Variants in NAA35 observed in about 807,000 individuals in gnomAD.
The protein encoded by NAA35 is MAK10 homolog, amino-acid N-acetyltransferase subunit.
NAA35 carries 18 observed loss-of-function variants against 101.7 expected under a neutral mutation model. The ratio of observed to expected loss-of-function variants is 0.18; its 90% CI spans 0.12 to 0.26. The LOEUF (loss-of-function observed/expected upper bound fraction) is 0.26, where lower values mean the gene tolerates loss of function less well. Ranked by LOEUF, NAA35 falls within the 10% of genes least tolerant of loss-of-function variation. NAA35 has a pLI of 1.00. For missense variants in NAA35, 601 were observed against 886.8 expected (o/e 0.68, Z 4.09); for synonymous variants, 267 against 273.1 (o/e 0.98, Z 0.22).
chr9:85,956,508 A>G, intron 3 of NAA35, 115 bp downstream of exon 3: 1 of 506,166 alleles, frequency 2.0e-6, no homozygotes, highest in East Asian at 3.8e-5. Flanking sequence ...AAATTGTGAA[A>G]ATAAAACTAA....
In NAA35 at chr9:86,022,242, ATGAT is replaced by A. The variant is rs1161715241; in HGVS notation, c.*286_*289del. On this transcript the variant is annotated 3_prime_UTR_variant, in exon 23 of 23. Coordinates refer to ENST00000361671, the MANE Select transcript of NAA35 (RefSeq NM_024635.4). ...TTTAATCACAAATCATTTTTTATGA[ATGAT>A]TGAGTGAAAATAGTGTTTATAAAGG... 6 of 266,940 alleles carry A rather than the reference ATGAT, an allele frequency of 2.2e-5. No individual in the cohort carries two copies. Among genetic ancestry groups the A allele is most frequent in the Non-Finnish European group, 4.2e-5 (6 of 144,536 alleles). The allele number at this position is 266,940 out of a possible 1,614,324, so 16.5% of individuals were successfully genotyped here. A position where few individuals can be genotyped will look rare whatever the true frequency, so the allele number is the denominator to read the frequency against.
intron 2 of NAA35, among the ~76,000 whole-genome samples, chr9:85,955,248 T>TA (rs1432167512): frequency 6.7e-6 from 1 of 150,344 alleles, no homozygotes; most frequent in East Asian, 2.0e-4. Context: ...TTATTTAACT[T>TA]ACAGTTGGCT....
At chr9:85,970,092 C>G (rs1326130027) in intron 6 of NAA35, among the ~76,000 whole-genome samples, 1 of 152,054 alleles carries the variant, frequency 6.6e-6, no homozygotes, top group East Asian at 1.9e-4. Flanking sequence ...TTTTAAGATG[C>G]TTTTCTTCCC....
At chr9:85,949,601 T>C (rs1488326546) in intron 2 of NAA35, among the ~76,000 whole-genome samples, 1 of 152,090 alleles carries the variant, frequency 6.6e-6, no homozygotes, top group Non-Finnish European at 1.5e-5. Flanking sequence ...CCCCTTTCTT[T>C]CCTATTTTTT....
rs1048515551 is a variant in NAA35, at chr9:85,975,004, C to T, written c.554C>T (p.Ala185Val). 6.2e-7 allele frequency: 1 copy of T among 1,612,682 alleles called. No homozygotes were observed. The highest frequency in any genetic ancestry group is 8.5e-7 in the Non-Finnish European group (1 of 1,179,274). ...TCAATGACTTATGGATTTAAAATGG[C>T]TAACAGTGTGACAGATCTTCGAGTT... ...FQSMTYGFKM[A>V]NSVTDLRVTG... The change falls in exon 7 of 23, where the codon GCT becomes GTT. Residue 185 changes from alanine (A) to valine (V), a missense_variant. Ala to Val is a moderately conservative substitution (Grantham distance 64, BLOSUM62 0). Around this residue, in one of 8 missense-constraint regions of NAA35, gnomAD observed 86 missense variants for 169.4 expected, o/e 0.51. Transcript: ENST00000361671.
intron 11 of NAA35, among the ~76,000 whole-genome samples, chr9:85,988,356 G>A (rs934058816): frequency 2.0e-5 from 3 of 152,152 alleles, no homozygotes; most frequent in Admixed American, 6.5e-5. Context: ...AGCAGAAAGC[G>A]AAAATATTAA....
chr9:85,951,259 C>G (rs762629258), intron 2 of NAA35, among the ~76,000 whole-genome samples: 4 of 151,986 alleles, frequency 2.6e-5, no homozygotes, highest in Non-Finnish European at 5.9e-5. Flanking sequence ...GACATTTTTG[C>G]AAATCACTTC....
chr9:85,991,279 G>T (rs1323338183), intron 11 of NAA35, among the ~76,000 whole-genome samples: 1 of 152,088 alleles, frequency 6.6e-6, no homozygotes, highest in East Asian at 1.9e-4. Flanking sequence ...GCAGAGTAGG[G>T]TGGTGAAACC....
chr9:85,949,906 AG>A (rs1030798288), intron 2 of NAA35, among the ~76,000 whole-genome samples: 1 of 152,048 alleles, frequency 6.6e-6, no homozygotes, highest in Non-Finnish European at 1.5e-5. Flanking sequence ...CAGGATATGC[AG>A]AGTTGAAACA....
At chr9:85,990,596 A>T (rs576501114) in intron 11 of NAA35, among the ~76,000 whole-genome samples, 1 of 152,376 alleles carries the variant, frequency 6.6e-6, no homozygotes, top group African/African-American at 2.4e-5. Flanking sequence ...AAGATAACAA[A>T]GGGAACCATG....
At chr9:86,016,109 T>C (rs1477505316) in intron 17 of NAA35, among the ~76,000 whole-genome samples, 4 of 151,394 alleles carry the variant, frequency 2.6e-5, no homozygotes, top group Non-Finnish European at 5.9e-5. Context: ...GAGAATGTTC[T>C]GTTTTATATT....
intron 11 of NAA35, among the ~76,000 whole-genome samples, chr9:85,991,889 G>C (rs1830927883): frequency 6.6e-6 from 1 of 151,938 alleles, no homozygotes; most frequent in Admixed American, 6.6e-5. Context: ...AAAAGAGGTG[G>C]ATGGGCCGGG....
In NAA35 at chr9:85,999,426, T is replaced by C. The variant is rs144694062; in HGVS notation, c.1056+2849T>C. On this transcript the variant is annotated intron_variant, in intron 12 of 22. Transcript: ENST00000361671. ...GGTAATATGCTTTTAATGTATATAGTTGTTTTACCAGTTGTATTGGTAAGC... is the reference window on the plus strand; with the variant it reads ...GGTAATATGCTTTTAATGTATATAGCTGTTTTACCAGTTGTATTGGTAAGC... 2.6e-5 allele frequency among the ~76,000 whole-genome samples: 4 copies of C among 152,350 alleles called. No homozygotes were observed. In the East Asian group the frequency reaches 7.7e-4, roughly 29 times the overall value.
chr9:86,005,850 A>G (rs1348529593), intron 13 of NAA35, among the ~76,000 whole-genome samples: 2 of 151,948 alleles, frequency 1.3e-5, no homozygotes, highest in Non-Finnish European at 2.9e-5. Flanking sequence ...TCACAGAAAT[A>G]CTATTCACCT....
chr9:85,997,785 C>T (rs1831231880), intron 12 of NAA35, among the ~76,000 whole-genome samples: 1 of 152,176 alleles, frequency 6.6e-6, no homozygotes, highest in South Asian at 2.1e-4. Context: ...TGCTTGGCCT[C>T]ACCTTAGTTT....
chr9:85,977,987 T>A (rs543499391), intron 10 of NAA35, among the ~76,000 whole-genome samples: 3 of 152,010 alleles, frequency 2.0e-5, no homozygotes, highest in African/African-American at 7.2e-5. Context: ...GAAAATTTTT[T>A]CATTTTCTAG....
intron 6 of NAA35, among the ~76,000 whole-genome samples, chr9:85,973,889 T>A (rs1335348518): frequency 1.3e-5 from 2 of 151,994 alleles, no homozygotes; most frequent in Non-Finnish European, 2.9e-5. Context: ...TTTTTTTTTT[T>A]AAGAATCCAG....
intron 2 of NAA35, among the ~76,000 whole-genome samples, chr9:85,948,367 C>T (rs1264999722): frequency 6.6e-6 from 1 of 152,158 alleles, no homozygotes; most frequent in Non-Finnish European, 1.5e-5. Context: ...TCTAAATCTC[C>T]TTAAGACATT....
intron 12 of NAA35, among the ~76,000 whole-genome samples, chr9:86,002,509 G>C (rs1051307846): frequency 6.6e-6 from 1 of 152,014 alleles, no homozygotes; most frequent in African/African-American, 2.4e-5. Flanking sequence ...TTCAAAGTTA[G>C]CTTGTTTCCA....
Sources: gnomAD v4.1 joint callset for allele counts (sites outside exome capture counted in the v4.1 genomes callset) on GRCh38, gnomAD v4.1.1 for gene constraint, gnomAD v4.1.1 regional missense constraint, MANE v1.5 for transcripts, NCBI Gene and HGNC (gene_info 2026-07-23, HGNC 2026-07-21) for gene names.